The following SEL1L3 variants were observed in gnomAD, a reference collection of about 807,000 sequenced individuals.
SEL1L3 encodes the protein SEL1L family member 3, also known as protein sel-1 homolog 3.
In SEL1L3, 76 loss-of-function variants were observed where a neutral mutation model predicts 142.8. The ratio of observed to expected loss-of-function variants is 0.53; its 90% confidence interval spans 0.44 to 0.64. SEL1L3 has a LOEUF of 0.64. SEL1L3 is among the 30% of genes least tolerant of loss of function. The pLI, the probability that SEL1L3 is intolerant of heterozygous loss-of-function variation, is 0.00. For synonymous variants in SEL1L3, 504 were observed against 519.6 expected (o/e 0.97, Z 0.41); for missense variants, 1,262 against 1,381.7 (o/e 0.91, Z 1.37).
chr4:25,847,558 T>C lies in SEL1L3; in HGVS notation c.469A>G (p.Arg157Gly), dbSNP rs1716608370. Reference protein sequence around the residue: ...HVKFPSIMVYRDDYFIRHSIS... With the variant: ...HVKFPSIMVYGDDYFIRHSIS... ...GAATGTCTGATGAAATAATCATCTCTGTAAACCATAATGCTTGGAAATTTC... is the reference window on the plus strand; with the variant it reads ...GAATGTCTGATGAAATAATCATCTCCGTAAACCATAATGCTTGGAAATTTC... The change falls in exon 2 of 24, where the codon AGA becomes GGA. Residue 157 changes from arginine (R) to glycine (G), a missense_variant. By Grantham distance (125) the Arg-to-Gly change is moderately radical (BLOSUM62 -2). Transcript: ENST00000399878. The C allele has an allele frequency of 1.9e-6, 3 of 1,614,008 alleles. No homozygotes were observed. The highest frequency in any genetic ancestry group is 1.7e-6 in the Non-Finnish European group (2 of 1,179,870).
In SEL1L3 at chr4:25,808,784, T is replaced by C. The variant is rs570508639; in HGVS notation, c.1565-4032A>G. Among the ~76,000 whole-genome samples, 67 of 26,700 alleles carry C rather than the reference T, an allele frequency of 2.5e-3. No homozygotes were observed. The Middle Eastern group carries it at 0.056, about 22-fold the overall frequency. The allele number at this position is 26,700 out of a possible 152,430, so 17.5% of individuals were successfully genotyped here. A position where few individuals can be genotyped will look rare whatever the true frequency, so the allele number is the denominator to read the frequency against. ...CTTTTTCTTTTTCAAAAAAAGCCTA[T>C]TTGGGCCATGTGCAGTGGCGCACGC... is the stretch of plus-strand genomic sequence containing the variant. On this transcript the variant is annotated intron_variant, in intron 9 of 23. Coordinates refer to ENST00000399878, the MANE Select transcript of SEL1L3 (RefSeq NM_015187.5).
chr4:25,774,512 A>G (rs979070835), intron 17 of SEL1L3, among the ~76,000 whole-genome samples: 2 of 152,210 alleles, frequency 1.3e-5, no homozygotes, highest in African/African-American at 4.8e-5. Context: ...ATCTTAATTC[A>G]TCTAGGCCTT....
chr4:25,823,396 T>C (rs920025445), intron 6 of SEL1L3, among the ~76,000 whole-genome samples: 1 of 151,998 alleles, frequency 6.6e-6, no homozygotes, highest in Non-Finnish European at 1.5e-5. Flanking sequence ...GTGCCTGTAA[T>C]CCAGCTACTC....
chr4:25,788,243 T>C lies in SEL1L3; in HGVS notation c.2198A>G (p.Tyr733Cys), dbSNP rs1270636325. Residue 733 changes from tyrosine (Y) to cysteine (C), a missense_variant, in exon 13 of 24, where the codon TAT becomes TGT. Coordinates refer to ENST00000399878, the MANE Select transcript of SEL1L3 (RefSeq NM_015187.5). This position sits in a 1 kb window ranked among gnomAD's most constrained non-coding sequence, Gnocchi z 5.3. ...TCTTACCTTGAATAGCACAATGGCA[T>C]AGTCATAGATTAACGCAGGATCCTC... ...ETEDPALIYD[Y>C]AIVLFKGQGV... The C allele has an allele frequency of 1.9e-6, 3 of 1,613,852 alleles. No individual in the cohort carries two copies. The highest frequency in any genetic ancestry group is 1.7e-6 in the Non-Finnish European group (2 of 1,179,844).
At chr4:25,752,666 G>C (rs2109112029) in intron 23 of SEL1L3, among the ~76,000 whole-genome samples, 1 of 152,254 alleles carries the variant, frequency 6.6e-6, no homozygotes, top group Middle Eastern at 3.4e-3. Flanking sequence ...TGTTGCCCAG[G>C]CAGGAGTGCA....
intron 11 of SEL1L3, among the ~76,000 whole-genome samples, chr4:25,799,922 G>A (rs1713061613): frequency 6.6e-6 from 1 of 152,294 alleles, no homozygotes; most frequent in East Asian, 1.9e-4. Flanking sequence ...CAGAATATTG[G>A]CAACCAAACC....
At chr4:25,756,821 C>A (rs1354607449) in intron 23 of SEL1L3, 1 of 1,270,016 alleles carries the variant, frequency 7.9e-7, no homozygotes, top group Non-Finnish European at 1.0e-6. Context: ...TCCTCTTACA[C>A]ATCTGATTGC....
At position 25,784,213 on chromosome 4, in the gene SEL1L3, A is replaced by G. The variant is rs1242738638; in HGVS notation, c.2280+15T>C. 2 of 1,604,064 alleles carry G rather than the reference A, an allele frequency of 1.2e-6. No homozygotes were observed. Among genetic ancestry groups the G allele is most frequent in the East Asian group, 2.2e-5 (1 of 44,818 alleles). Reference sequence around the variant, plus strand: ...GTGGTGGAACTGTTTCCCTCTGACAATATGCATGTGTTACCTTGGAAGCTG... The same window carrying G: ...GTGGTGGAACTGTTTCCCTCTGACAGTATGCATGTGTTACCTTGGAAGCTG... On this transcript the variant is annotated intron_variant, in intron 14 of 23. Transcript: ENST00000399878.
At chr4:25,851,268 T>C (rs1716873819) in intron 1 of SEL1L3, among the ~76,000 whole-genome samples, 1 of 152,148 alleles carries the variant, frequency 6.6e-6, no homozygotes, top group African/African-American at 2.4e-5. Flanking sequence ...AATCAATCAT[T>C]ACAACAATCA....
intron 2 of SEL1L3, among the ~76,000 whole-genome samples, chr4:25,843,951 G>C (rs569638842): frequency 6.6e-6 from 1 of 152,240 alleles, no homozygotes; most frequent in Non-Finnish European, 1.5e-5. Flanking sequence ...CAGAACGCCC[G>C]GGCACAGGGA....
chr4:25,797,331 G>A lies in SEL1L3; in HGVS notation c.1956+4952C>T, dbSNP rs1012994078. On this transcript the variant is annotated intron_variant, in intron 11 of 23. Coordinates refer to ENST00000399878, the MANE Select transcript of SEL1L3 (RefSeq NM_015187.5). The stretch of plus-strand genomic sequence containing the variant: ...CTCAGCTGGAGGAACAGGCAGTTGT[G>A]GAGCCTGCACTTCAACCGCTCACCT... 5.3e-5 allele frequency among the ~76,000 whole-genome samples: 8 copies of A among 152,154 alleles called. No individual in the cohort carries two copies. The South Asian group carries it at 6.2e-4, about 12-fold the overall frequency.
intron 1 of SEL1L3, among the ~76,000 whole-genome samples, chr4:25,862,442 G>A (rs1447676342): frequency 6.6e-6 from 1 of 152,174 alleles, no homozygotes; most frequent in Admixed American, 6.5e-5. Flanking sequence ...AGTCCAGGAG[G>A]GAAAGGAATG....
intron 23 of SEL1L3, chr4:25,756,492 C>T: frequency 8.1e-6 from 8 of 984,304 alleles, no homozygotes; most frequent in Non-Finnish European, 9.6e-6. Context: ...TTTTTTTTCA[C>T]TTAATATTTT....
At chr4:25,751,300 G>T (rs988071336) in intron 23 of SEL1L3, among the ~76,000 whole-genome samples, 1 of 152,132 alleles carries the variant, frequency 6.6e-6, no homozygotes, top group Non-Finnish European at 1.5e-5. Context: ...GGAGTCCTTG[G>T]GTTGTACCCA....
the SEL1L3 span, chr4:25,718,446 A>T: frequency 6.6e-6 from 1 of 152,176 alleles, no homozygotes; most frequent in Non-Finnish European, 1.5e-5. Flanking sequence ...GGACTCGCTC[A>T]TAGTTTGAAT....
intron 12 of SEL1L3, among the ~76,000 whole-genome samples, chr4:25,790,186 C>T (rs1485757732): frequency 6.6e-6 from 1 of 152,144 alleles, no homozygotes; most frequent in Non-Finnish European, 1.5e-5. Flanking sequence ...GTGAAATATC[C>T]CACTTGTGGG....
At chr4:25,752,652 C>T (rs1417917892) in intron 23 of SEL1L3, among the ~76,000 whole-genome samples, 1 of 152,136 alleles carries the variant, frequency 6.6e-6, no homozygotes, top group Non-Finnish European at 1.5e-5. Context: ...CAGAGTTTCA[C>T]TCTTGTTGCC....
At chr4:25,719,721 T>C in the SEL1L3 span, 169 of 152,288 alleles carry the variant, frequency 1.1e-3, 2 homozygotes, top group African/African-American at 4.0e-3. Flanking sequence ...AACAGTGTAA[T>C]TGTTGGAACA....
intron 19 of SEL1L3, 142 bp from the exon 20 acceptor site, chr4:25,765,577 AAGAG>A (rs1718663687): frequency 1.6e-6 from 1 of 610,966 alleles, no homozygotes; most frequent in Non-Finnish European, 2.9e-6. Flanking sequence ...CTGATGTGTC[AAGAG>A]AGAAACAAGC....
Sources: gnomAD v4.1 joint callset for allele counts (sites outside exome capture counted in the v4.1 genomes callset) on GRCh38, gnomAD v4.1.1 for gene constraint, Gnocchi (gnomAD v3.1) non-coding constraint, MANE v1.5 for transcripts, NCBI Gene and HGNC (gene_info 2026-07-23, HGNC 2026-07-21) for gene names.